The following TNN variants were observed in gnomAD, a reference collection of about 807,000 sequenced individuals.
The protein encoded by TNN is tenascin-N.
Under a neutral mutation model 134.4 loss-of-function variants are expected in TNN, and 122 were observed. That is an observed-to-expected ratio of 0.91 (90% CI 0.78 to 1.06). The LOEUF is 1.06. Ranked by LOEUF, TNN falls within the 50% of genes least tolerant of loss-of-function variation. The probability of loss-of-function intolerance (pLI) is 0.00; values close to 1 mark genes in which losing one functional copy is unlikely to be tolerated. For missense variants in TNN, 1,739 were observed against 1,699.4 expected (o/e 1.02, Z -0.41); for synonymous variants, 710 against 670.3 (o/e 1.06, Z -0.91).
chr1:175,080,962 G>T (rs1464836836), intron 4 of TNN, among the ~76,000 whole-genome samples: 1 of 152,246 alleles, frequency 6.6e-6, no homozygotes, highest in Non-Finnish European at 1.5e-5. Flanking sequence ...GCAAGGGATA[G>T]ATGTTGGTAC....
At chr1:175,083,668 C>A in intron 4 of TNN, 82 bp from the exon 5 acceptor site, 1 of 1,342,390 alleles carries the variant, frequency 7.4e-7, no homozygotes, top group Non-Finnish European at 1.0e-6. Flanking sequence ...AGGGAGCTGA[C>A]CTGATAACCA....
chr1:175,131,917 T>TACACAC (rs3028571), intron 15 of TNN, among the ~76,000 whole-genome samples: 32,506 of 136,164 alleles, frequency 0.24, 4,052 homozygotes, highest in Non-Finnish European at 0.27. Flanking sequence ...GAAGTATTAT[T>TACACAC]ACACACACAC....
intron 15 of TNN, among the ~76,000 whole-genome samples, chr1:175,132,489 T>C (rs1300483267): frequency 6.6e-6 from 1 of 152,214 alleles, no homozygotes; most frequent in Non-Finnish European, 1.5e-5. Context: ...AAAAGATGGA[T>C]ACTTGAGCAA....
At chr1:175,082,012 G>A (rs1264407097) in intron 4 of TNN, among the ~76,000 whole-genome samples, 1 of 152,192 alleles carries the variant, frequency 6.6e-6, no homozygotes, top group Non-Finnish European at 1.5e-5. Context: ...TCATGGAAGT[G>A]TCTTGTTTTT....
At chr1:175,079,810 C>T (rs1453088775) in intron 3 of TNN, 103 bp downstream of exon 3, 2 of 1,417,046 alleles carry the variant, frequency 1.4e-6, no homozygotes, top group Non-Finnish European at 1.9e-6. Flanking sequence ...TTCCTTTAGC[C>T]TACGCCAGAT....
intron 17 of TNN, among the ~76,000 whole-genome samples, chr1:175,140,607 G>A (rs565655427): frequency 6.6e-6 from 1 of 152,312 alleles, no homozygotes; most frequent in East Asian, 1.9e-4. Flanking sequence ...CTCCTCCCAG[G>A]TACTCTGTTT....
intron 9 of TNN, among the ~76,000 whole-genome samples, chr1:175,101,303 C>T (rs986335425): frequency 4.6e-5 from 7 of 151,698 alleles, no homozygotes; most frequent in Admixed American, 1.3e-4. Flanking sequence ...CTTAAGGCAG[C>T]GCGTCTGGAG....
At chr1:175,092,349 G>C (rs1443765338) in intron 6 of TNN, among the ~76,000 whole-genome samples, 1 of 152,162 alleles carries the variant, frequency 6.6e-6, no homozygotes, top group Non-Finnish European at 1.5e-5. Flanking sequence ...GTGGGTGCCT[G>C]CATCCTAATT....
At chr1:175,080,979 C>A (rs1045438501) in intron 4 of TNN, among the ~76,000 whole-genome samples, 1 of 152,110 alleles carries the variant, frequency 6.6e-6, no homozygotes, top group African/African-American at 2.4e-5. Context: ...GTACTTGGAC[C>A]CAGAGAGAGC....
At position 175,077,445 on chromosome 1, in the gene TNN, C is replaced by G; in HGVS notation, c.27C>G (p.Phe9Leu). 1 of 1,613,754 alleles carries G rather than the reference C, an allele frequency of 6.2e-7. No individual in the cohort carries two copies. The highest frequency in any genetic ancestry group is 1.1e-5 in the South Asian group (1 of 91,078). MSLQEMFR[F>L]PMGLLLGSVL... The stretch of plus-strand genomic sequence containing the variant: ...TGAGTCTCCAGGAGATGTTCCGCTT[C>G]CCTATGGGGCTCCTGCTTGGCTCTG... The change falls in exon 2 of 19, where the codon TTC (phenylalanine) becomes TTG (leucine). Residue 9 changes from phenylalanine to leucine, a missense_variant. By Grantham distance (22) the Phe-to-Leu change is conservative. Transcript: ENST00000239462.
At chr1:175,122,691 A>G (rs1316078194) in intron 11 of TNN, among the ~76,000 whole-genome samples, 1 of 152,244 alleles carries the variant, frequency 6.6e-6, no homozygotes, top group Non-Finnish European at 1.5e-5. Context: ...AGATGCAAAC[A>G]GGATTGATTG....
chr1:175,128,771 G>A (rs1260637786), intron 15 of TNN, 25 bp downstream of exon 15: 1 of 1,601,412 alleles, frequency 6.2e-7, no homozygotes, highest in Non-Finnish European at 8.5e-7. Context: ...ACCCTGGGGA[G>A]CTCTGTGTAG....
chr1:175,089,543 A>C (rs550857680), intron 6 of TNN, among the ~76,000 whole-genome samples: 7 of 152,328 alleles, frequency 4.6e-5, no homozygotes, highest in African/African-American at 1.4e-4. Context: ...ATTCAATGAA[A>C]AGAAAGGGAG....
intron 9 of TNN, among the ~76,000 whole-genome samples, chr1:175,101,243 T>C (rs1253037689): frequency 1.3e-5 from 2 of 152,042 alleles, no homozygotes; most frequent in Admixed American, 6.6e-5. Context: ...GTCTCTGGTC[T>C]CGCTGGATCA....
chr1:175,141,973 C>T (rs1443079131), intron 17 of TNN, among the ~76,000 whole-genome samples: 3 of 152,316 alleles, frequency 2.0e-5, no homozygotes, highest in Non-Finnish European at 2.9e-5. Context: ...TCATCACAAA[C>T]ATGTCTTTAA....
chr1:175,075,125 T>C (rs1257456656), intron 1 of TNN, among the ~76,000 whole-genome samples: 1 of 152,262 alleles, frequency 6.6e-6, no homozygotes, highest in Non-Finnish European at 1.5e-5. Flanking sequence ...TGATTCTTCT[T>C]CTTCTTTTAT....
chr1:175,092,640 T>C (rs1259141257), intron 6 of TNN, among the ~76,000 whole-genome samples: 2 of 152,222 alleles, frequency 1.3e-5, no homozygotes, highest in African/African-American at 2.4e-5. Flanking sequence ...GTATAGTCTT[T>C]GTTAGATAAG....
intron 17 of TNN, among the ~76,000 whole-genome samples, chr1:175,138,234 C>T (rs189299519): frequency 1.3e-5 from 2 of 152,322 alleles, no homozygotes; most frequent in African/African-American, 4.8e-5. Flanking sequence ...TCTTTGAGAT[C>T]TTATAATTTC....
chr1:175,118,452 C>CA, intron 10 of TNN, 109 bp from the exon 11 acceptor site: 1 of 1,333,312 alleles, frequency 7.5e-7, no homozygotes, highest in Non-Finnish European at 1.0e-6. Context: ...GCATATGAGG[C>CA]GGAAACCCCA....
Sources: allele counts gnomAD v4.1 joint callset (sites outside exome capture counted in the v4.1 genomes callset), GRCh38; gene constraint gnomAD v4.1.1; transcripts MANE v1.5; gene names NCBI Gene and HGNC (gene_info 2026-07-23, HGNC 2026-07-21).